The following HDAC9 variants were observed in gnomAD, a reference collection of about 807,000 sequenced individuals.
HDAC9 encodes the protein histone deacetylase 9, also known as MEF-2 interacting transcription repressor (MITR) protein.
A neutral mutation model predicts 139.4 loss-of-function variants in HDAC9; 41 were observed. The ratio of observed to expected loss-of-function variants is 0.29; its 90% CI spans 0.23 to 0.38. HDAC9 has a LOEUF of 0.38. Ranked by LOEUF, HDAC9 falls within the 10% of genes least tolerant of loss-of-function variation. The pLI is 1.00. For missense variants in HDAC9, 1,147 were observed against 1,297.0 expected (o/e 0.88, Z 1.78); for synonymous variants, 517 against 476.2 (o/e 1.09, Z -1.12).
chr7:18,438,576 A>G (rs905616089), intron 1 of HDAC9, among the ~76,000 whole-genome samples: 6 of 152,028 alleles, frequency 3.9e-5, no homozygotes, highest in African/African-American at 1.4e-4. Flanking sequence ...GAATAGAAAC[A>G]TATGTCTAGA....
intron 9 of HDAC9, among the ~76,000 whole-genome samples, chr7:18,645,628 A>G (rs1475549394): frequency 6.6e-6 from 1 of 152,168 alleles, no homozygotes; most frequent in East Asian, 1.9e-4. Flanking sequence ...TCCCTGAAAC[A>G]GTGTCAATTT....
chr7:18,254,418 A>G (rs535196786), intron 2 of HDAC9, among the ~76,000 whole-genome samples: 40 of 152,302 alleles, frequency 2.6e-4, no homozygotes, highest in Non-Finnish European at 4.9e-4. Flanking sequence ...GAAGCAAACA[A>G]TTATATATAT....
intron 14 of HDAC9, 102 bp downstream of exon 14, chr7:18,749,240 C>T (rs1461482489): frequency 3.0e-5 from 35 of 1,183,744 alleles, no homozygotes; most frequent in Non-Finnish European, 4.2e-5. Flanking sequence ...CCATATAGTG[C>T]AAACACCATG....
At chr7:18,880,011 A>G (rs906879059) in intron 22 of HDAC9, among the ~76,000 whole-genome samples, 3 of 152,198 alleles carry the variant, frequency 2.0e-5, no homozygotes, top group African/African-American at 7.2e-5. Context: ...ATGAACAGAC[A>G]TTTTTCAAAA....
At chr7:18,550,299 T>G (rs1370679939) in intron 2 of HDAC9, among the ~76,000 whole-genome samples, 1 of 152,190 alleles carries the variant, frequency 6.6e-6, no homozygotes, top group African/African-American at 2.4e-5. Flanking sequence ...TCGATCCCAT[T>G]TTTTTCGTTC....
intron 2 of HDAC9, among the ~76,000 whole-genome samples, chr7:18,232,952 T>C (rs997912053): frequency 3.9e-5 from 6 of 152,196 alleles, no homozygotes; most frequent in African/African-American, 1.4e-4. Context: ...ATAAACAGTT[T>C]TGCGTGCTGT....
intron 11 of HDAC9, among the ~76,000 whole-genome samples, chr7:18,659,155 G>T (rs779834281): frequency 4.9e-4 from 75 of 152,214 alleles, no homozygotes; most frequent in Middle Eastern, 3.4e-3. Context: ...GAAGATATTT[G>T]TTGGGATGCA....
chr7:18,394,984 T>G (rs555249730), intron 1 of HDAC9: 22 of 152,170 alleles, frequency 1.4e-4, no homozygotes, highest in Non-Finnish European at 2.4e-4. Context: ...ATTCAGACAT[T>G]TAATAGTATT....
intron 2 of HDAC9, among the ~76,000 whole-genome samples, chr7:18,251,295 G>C (rs990930612): frequency 2.0e-5 from 3 of 152,152 alleles, no homozygotes; most frequent in Admixed American, 1.3e-4. Context: ...TTATAAGTGA[G>C]AGCTGAATGA....
chr7:18,403,423 T>C (rs1562955327), intron 1 of HDAC9, among the ~76,000 whole-genome samples: 1 of 152,196 alleles, frequency 6.6e-6, no homozygotes. Flanking sequence ...CCATATTTCT[T>C]TCTATCATAA....
rs563010304 is a variant in HDAC9, at chr7:18,469,789, A to C, written c.-41-26473A>C. ...GTAGCTCAGCTTAGCAGGGGAACTC[A>C]GATCTTATAGGTAAATCATTCATAT... is the stretch of plus-strand genomic sequence containing the variant. On this transcript the variant is annotated intron_variant, in intron 1 of 3. Coordinates refer to the HDAC9 transcript ENST00000413509. Among the ~76,000 whole-genome samples, 11 of 152,302 alleles carry C rather than the reference A, an allele frequency of 7.2e-5. No homozygotes were observed. In the East Asian group the frequency reaches 1.9e-3, roughly 27 times the overall value.
At chr7:18,368,357 T>G (rs1585411345) in intron 1 of HDAC9, among the ~76,000 whole-genome samples, 1 of 152,012 alleles carries the variant, frequency 6.6e-6, no homozygotes, top group East Asian at 1.9e-4. Flanking sequence ...ATTTTTGTTT[T>G]CCATATGGTT....
chr7:18,430,775 T>A (rs2128761975), intron 1 of HDAC9: 1 of 151,898 alleles, frequency 6.6e-6, no homozygotes, highest in Non-Finnish European at 1.5e-5. Context: ...TAATCCCAGC[T>A]ACTTGGGAAG....
At chr7:18,731,812 G>A (rs780265137) in intron 13 of HDAC9, among the ~76,000 whole-genome samples, 1 of 151,986 alleles carries the variant, frequency 6.6e-6, no homozygotes, top group Non-Finnish European at 1.5e-5. Context: ...TTTTAGTAGA[G>A]ACGGGGTTTC....
At chr7:18,902,813 CTATT>C (rs1267967891) in intron 22 of HDAC9, among the ~76,000 whole-genome samples, 6 of 152,290 alleles carry the variant, frequency 3.9e-5, no homozygotes, top group Non-Finnish European at 8.8e-5. Context: ...AAATTTCACA[CTATT>C]TATAAGTGAA....
intron 1 of HDAC9, among the ~76,000 whole-genome samples, chr7:18,415,815 C>T (rs1788997853): frequency 6.6e-6 from 1 of 152,094 alleles, no homozygotes; most frequent in African/African-American, 2.4e-5. Context: ...TTGCAGATTT[C>T]AAGTATGGGA....
At chr7:18,543,122 T>G (rs1227887261) in intron 2 of HDAC9, 1 of 152,320 alleles carries the variant, frequency 6.6e-6, no homozygotes. Flanking sequence ...TTTAAAGTTA[T>G]TTTTTGACAG....
chr7:18,932,665 A>G (rs1218178145), intron 22 of HDAC9, among the ~76,000 whole-genome samples: 1 of 152,148 alleles, frequency 6.6e-6, no homozygotes, highest in Non-Finnish European at 1.5e-5. Context: ...ACTTTGGAAG[A>G]GAATAAATAG....
At chr7:18,536,398 G>C (rs554023099) in intron 2 of HDAC9, among the ~76,000 whole-genome samples, 1 of 152,136 alleles carries the variant, frequency 6.6e-6, no homozygotes, top group African/African-American at 2.4e-5. Context: ...AACTTAATTT[G>C]GAAGAGCCCA....
Sources: gnomAD v4.1 joint callset for allele counts (sites outside exome capture counted in the v4.1 genomes callset) on GRCh38, gnomAD v4.1.1 for gene constraint, MANE v1.5 for transcripts, NCBI Gene and HGNC (gene_info 2026-07-23, HGNC 2026-07-21) for gene names.